The following HTR4 variants were observed in gnomAD, a reference collection of about 807,000 sequenced individuals.
HTR4 encodes 5-hydroxytryptamine (serotonin) receptor 4, G protein-coupled.
Under a neutral mutation model 36.8 loss-of-function variants are expected in HTR4, and 16 were observed. The observed-to-expected ratio is 0.43, with a 90% CI of 0.29 to 0.66. HTR4 has a LOEUF of 0.66. Among genes scored for constraint, HTR4 ranks in the 30% least tolerant of loss-of-function variants. HTR4 has a pLI of 0.13. For missense variants in HTR4, 438 were observed against 490.9 expected, an observed-to-expected ratio of 0.89 and a Z score of 1.02; for synonymous variants, 189 against 185.1, an observed-to-expected ratio of 1.02 and a Z score of -0.17.
intron 5 of HTR4, among the ~76,000 whole-genome samples, chr5:148,466,324 T>C (rs1452543953): frequency 1.3e-5 from 2 of 152,206 alleles, no homozygotes; most frequent in Non-Finnish European, 2.9e-5. Flanking sequence ...TTCCTCCATA[T>C]AGTCATCTCT....
At chr5:148,526,622 C>T (rs182272651) in intron 4 of HTR4, among the ~76,000 whole-genome samples, 57 of 152,122 alleles carry the variant, frequency 3.7e-4, no homozygotes, top group Middle Eastern at 3.4e-3. Context: ...TGGAACCTAC[C>T]TAAGCATTTA....
At chr5:148,452,816 G>C (rs1160078596) in intron 5 of HTR4, among the ~76,000 whole-genome samples, 2 of 152,216 alleles carry the variant, frequency 1.3e-5, no homozygotes, top group Non-Finnish European at 2.9e-5. Flanking sequence ...AATGGGAAAA[G>C]AGATAGAAAG....
chr5:148,480,200 C>T (rs985642352), downstream of HTR4, among the ~76,000 whole-genome samples: 8 of 152,098 alleles, frequency 5.3e-5, no homozygotes, highest in African/African-American at 1.2e-4. Flanking sequence ...TGAGAAGTTA[C>T]GCTCATTATT....
downstream of HTR4, among the ~76,000 whole-genome samples, chr5:148,478,088 C>T (rs560545476): frequency 1.3e-5 from 2 of 152,262 alleles, no homozygotes; most frequent in East Asian, 1.9e-4. Context: ...AGACCTTGTC[C>T]GGTTTCTTTA....
chr5:148,471,082 G>A (rs1238929331), intron 5 of HTR4, among the ~76,000 whole-genome samples: 1 of 152,186 alleles, frequency 6.6e-6, no homozygotes, highest in Non-Finnish European at 1.5e-5. Flanking sequence ...GCTGAAATCA[G>A]GATCTGAATC....
intron 5 of HTR4, among the ~76,000 whole-genome samples, chr5:148,513,990 T>C (rs1757617001): frequency 6.6e-6 from 1 of 152,202 alleles, no homozygotes; most frequent in Admixed American, 6.5e-5. Context: ...AAGTTAGATA[T>C]CAACTAAAAT....
intron 2 of HTR4, among the ~76,000 whole-genome samples, chr5:148,588,065 G>A (rs762102066): frequency 2.0e-5 from 3 of 152,086 alleles, no homozygotes; most frequent in Admixed American, 6.6e-5. Context: ...TAGGGAAGCG[G>A]TATGATCAAG....
chr5:148,523,672 T>C (rs939512252), intron 4 of HTR4, among the ~76,000 whole-genome samples: 1 of 152,166 alleles, frequency 6.6e-6, no homozygotes, highest in African/African-American at 2.4e-5. Flanking sequence ...TAAATATTAA[T>C]ATATACTTTG....
In HTR4 at chr5:148,649,300, A is replaced by G. The variant is rs374704751; in HGVS notation, c.-48+4762T>C. Among the ~76,000 whole-genome samples, 23 of 152,238 alleles carry G rather than the reference A, an allele frequency of 1.5e-4. 1 individual carries two copies. Among genetic ancestry groups the G allele is most frequent in the African/African-American group, 5.5e-4 (23 of 41,566 alleles). ...AAAAAAAAAAAGAAGCTAATATTCAAGAAGAAGGAAGGAGTTCATTGAATT... is the reference window on the plus strand; with the variant it reads ...AAAAAAAAAAAGAAGCTAATATTCAGGAAGAAGGAAGGAGTTCATTGAATT... On this transcript the variant is annotated intron_variant, in intron 1 of 6. Transcript: ENST00000377888.
chr5:148,511,864 T>C (rs1411971719), intron 5 of HTR4, among the ~76,000 whole-genome samples: 5 of 152,182 alleles, frequency 3.3e-5, no homozygotes, highest in Admixed American at 3.3e-4. Context: ...TTGTTGATGA[T>C]GTTGGTAAAG....
chr5:148,452,477 C>T (rs6580549), intron 5 of HTR4, among the ~76,000 whole-genome samples: 152,283 of 152,330 alleles, frequency 1, 76,118 homozygotes, highest in Non-Finnish European at 1. Context: ...GAAGAGGTAG[C>T]TCTACTGGCA....
intron 2 of HTR4, among the ~76,000 whole-genome samples, chr5:148,551,754 A>T (rs1307337707): frequency 1.3e-5 from 2 of 152,204 alleles, no homozygotes; most frequent in Non-Finnish European, 2.9e-5. Context: ...GAGCTAAAAA[A>T]CAAATTGCAA....
rs148994734 is a variant in HTR4, at chr5:148,466,511, C to T, written c.1077-15239G>A. Among the ~76,000 whole-genome samples the T allele has an allele frequency of 7.4e-4, 112 of 152,292 alleles. 1 individual carries two copies. The highest frequency in any genetic ancestry group is 2.5e-3 in the African/African-American group (105 of 41,574). On this transcript the variant is annotated intron_variant, in intron 5 of 5. Coordinates refer to the HTR4 transcript ENST00000521530. ...TTGGGGAAAGGAGCCATGACGTACT[C>T]ATTCAGCACAGTTAGATATGTCACT... is the stretch of plus-strand genomic sequence containing the variant.
intron 2 of HTR4, among the ~76,000 whole-genome samples, chr5:148,584,645 G>C (rs1026251742): frequency 6.6e-6 from 1 of 152,060 alleles, no homozygotes; most frequent in Non-Finnish European, 1.5e-5. Flanking sequence ...CCCCAGTTTT[G>C]TTTGGGGGCA....
At chr5:148,590,166 G>A (rs542874856) in intron 2 of HTR4, among the ~76,000 whole-genome samples, 2 of 151,858 alleles carry the variant, frequency 1.3e-5, no homozygotes, top group Non-Finnish European at 2.9e-5. Flanking sequence ...AATGCCATAC[G>A]AGAAACTTCT....
intron 4 of HTR4, among the ~76,000 whole-genome samples, chr5:148,531,547 A>T (rs1369549289): frequency 6.6e-6 from 1 of 152,102 alleles, no homozygotes; most frequent in Non-Finnish European, 1.5e-5. Flanking sequence ...TTCAGTATGT[A>T]TTTACCAGCA....
chr5:148,511,798 A>G (rs781387889), intron 5 of HTR4, among the ~76,000 whole-genome samples: 2 of 152,144 alleles, frequency 1.3e-5, no homozygotes, highest in Non-Finnish European at 2.9e-5. Flanking sequence ...GTTACTCCAC[A>G]TGCTCGCCAA....
In HTR4 at chr5:148,576,116, A is replaced by AAAAAAAAAAAC. The variant is rs1760894520; in HGVS notation, c.27-25855_27-25854insGTTTTTTTTTT. Reference sequence around the variant, plus strand: ...ACAGAGCGAGACTCCGTCTCAAAAAAAAAAAAAAAAAAAAAAACAAAATCA... The same window carrying AAAAAAAAAAAC: ...ACAGAGCGAGACTCCGTCTCAAAAAAAAAAAAAAAACAAAAAAAAAAAAAAAAACAAAATCA... On this transcript the variant is annotated intron_variant, in intron 2 of 6. Transcript: ENST00000377888. Among the ~76,000 whole-genome samples the AAAAAAAAAAAC allele has an allele frequency of 1.6e-5, 2 of 126,902 alleles. 1 individual carries two copies. The highest frequency in any genetic ancestry group is 7.0e-5 in the African/African-American group (2 of 28,774). The allele number at this position is 126,902 out of a possible 152,430, so 83.3% of individuals were successfully genotyped here.
chr5:148,493,026 C>A (rs1179604264), intron 6 of HTR4, among the ~76,000 whole-genome samples: 1 of 152,218 alleles, frequency 6.6e-6, no homozygotes, highest in Non-Finnish European at 1.5e-5. Flanking sequence ...AAGCTTAGGC[C>A]ACCCGATTAA....
Sources: gnomAD v4.1 joint callset for allele counts (sites outside exome capture counted in the v4.1 genomes callset) on GRCh38, gnomAD v4.1.1 for gene constraint, MANE v1.5 for transcripts, NCBI Gene and HGNC (gene_info 2026-07-23, HGNC 2026-07-21) for gene names.